Variants in MTUS1 observed in about 807,000 individuals in gnomAD.
MTUS1 encodes microtubule-associated tumor suppressor 1.
In MTUS1, 109 loss-of-function variants were observed where a neutral mutation model predicts 120.8. The ratio of observed to expected loss-of-function variants is 0.90; its 90% confidence interval spans 0.77 to 1.06. The LOEUF (loss-of-function observed/expected upper bound fraction) is 1.06, where lower values mean the gene tolerates loss of function less well. Among genes scored for constraint, MTUS1 ranks in the 50% least tolerant of loss-of-function variants. The pLI, the probability that MTUS1 is intolerant of heterozygous loss-of-function variation, is 0.00. For missense variants in MTUS1, 2,210 were observed against 1,486.3 expected (o/e 1.49, Z -8.01); for synonymous variants, 737 against 550.5 (o/e 1.34, Z -4.74).
At chr8:17,719,275 A>C (rs2904723) in intron 4 of MTUS1, among the ~76,000 whole-genome samples, 1 of 152,092 alleles carries the variant, frequency 6.6e-6, no homozygotes, top group Non-Finnish European at 1.5e-5. Context: ...TACATTATGT[A>C]TATACACACA....
rs1026130218 is a variant in MTUS1, at chr8:17,645,148, T to C, written c.*778A>G. 11 of 152,540 alleles carry C rather than the reference T, an allele frequency of 7.2e-5. No individual in the cohort carries two copies. Among genetic ancestry groups the C allele is most frequent in the African/African-American group, 2.4e-4 (10 of 41,414 alleles). The allele number at this position is 152,540 out of a possible 1,614,324, so 9.4% of individuals were successfully genotyped here. ...AATGAATTACAGGATAGTGTTAGGC[T>C]CACATGGGTAAGTAAAAAATCTACA... On this transcript the variant is annotated 3_prime_UTR_variant, in exon 15 of 15. Coordinates refer to ENST00000693296, the MANE Select transcript of MTUS1 (RefSeq NM_001363059.2).
intron 5 of MTUS1, among the ~76,000 whole-genome samples, chr8:17,715,506 T>A (rs1822144091): frequency 6.6e-6 from 1 of 152,178 alleles, no homozygotes; most frequent in Non-Finnish European, 1.5e-5. Flanking sequence ...TTAGAATAAT[T>A]TAACTCCTGA....
intron 6 of MTUS1, among the ~76,000 whole-genome samples, chr8:17,712,853 C>A (rs1020409019): frequency 2.6e-5 from 4 of 151,870 alleles, no homozygotes; most frequent in Non-Finnish European, 5.9e-5. Context: ...GGCTGCTGAA[C>A]TGGGAAAAGG....
chr8:17,753,407 G>C (rs1008827640), intron 2 of MTUS1, among the ~76,000 whole-genome samples: 3 of 152,122 alleles, frequency 2.0e-5, no homozygotes, highest in Admixed American at 1.3e-4. Context: ...TAACCTGATT[G>C]TATCAGGCAC....
At chr8:17,759,266 T>C (rs2048860330) in intron 1 of MTUS1, among the ~76,000 whole-genome samples, 1 of 149,950 alleles carries the variant, frequency 6.7e-6, no homozygotes, top group Admixed American at 6.7e-5. Context: ...TGTCTTTTTT[T>C]ATTTTTCTTT....
At chr8:17,721,995 G>GAAAA in intron 4 of MTUS1, 1 of 1,208,904 alleles carries the variant, frequency 8.3e-7, no homozygotes, top group Non-Finnish European at 1.1e-6. Flanking sequence ...CGAATGGAGG[G>GAAAA]AAAAAAAAAA....
At chr8:17,730,859 C>A (rs769370650) in intron 3 of MTUS1, among the ~76,000 whole-genome samples, 3 of 152,034 alleles carry the variant, frequency 2.0e-5, no homozygotes, top group African/African-American at 4.8e-5. Context: ...TACAGGATTT[C>A]AGGGGGGAAA....
chr8:17,714,894 C>CTT (rs34479493), intron 5 of MTUS1, among the ~76,000 whole-genome samples: 746 of 55,208 alleles, frequency 0.014, 184 homozygotes, highest in African/African-American at 0.029. Context: ...ACAAATAATG[C>CTT]TTTTTTTTTT....
chr8:17,702,274 T>A (rs558256465), intron 6 of MTUS1, among the ~76,000 whole-genome samples: 7 of 152,340 alleles, frequency 4.6e-5, no homozygotes, highest in African/African-American at 1.7e-4. Flanking sequence ...AAGCAAGAAC[T>A]GAGAGCACAT....
intron 1 of MTUS1, among the ~76,000 whole-genome samples, chr8:17,773,425 G>A (rs1416628960): frequency 6.6e-6 from 1 of 152,106 alleles, no homozygotes; most frequent in African/African-American, 2.4e-5. Flanking sequence ...GGCAAATCTA[G>A]GGTAAGATAC....
intron 11 of MTUS1, 37 bp from the exon 12 acceptor site, chr8:17,653,318 G>C (rs1166046465): frequency 6.7e-7 from 1 of 1,484,720 alleles, no homozygotes; most frequent in Non-Finnish European, 9.1e-7. Context: ...AAGTTAACAA[G>C]AAAACCCCAG....
At chr8:17,756,045 TTTC>T in intron 1 of MTUS1, 84 bp from the exon 2 acceptor site, 1 of 706,370 alleles carries the variant, frequency 1.4e-6, no homozygotes, top group Non-Finnish European at 2.1e-6. Context: ...AAGTGATTAG[TTTC>T]AATCACTTTA....
intron 1 of MTUS1, among the ~76,000 whole-genome samples, chr8:17,773,601 G>A (rs1213367909): frequency 1.3e-5 from 2 of 152,146 alleles, no homozygotes; most frequent in Non-Finnish European, 2.9e-5. Flanking sequence ...ACATGGAGAA[G>A]GGCATCACAT....
At chr8:17,670,783 A>G (rs2130587298) in intron 8 of MTUS1, among the ~76,000 whole-genome samples, 1 of 152,178 alleles carries the variant, frequency 6.6e-6, no homozygotes, top group South Asian at 2.1e-4. Flanking sequence ...AGATAGTGCC[A>G]GTGCACTCCA....
At chr8:17,789,153 C>T (rs372348772) in intron 1 of MTUS1, among the ~76,000 whole-genome samples, 1 of 152,050 alleles carries the variant, frequency 6.6e-6, no homozygotes, top group African/African-American at 2.4e-5. Flanking sequence ...CTGCCTCAGC[C>T]TGACCAGTAG....
intron 1 of MTUS1, among the ~76,000 whole-genome samples, chr8:17,799,791 G>A (rs1355456311): frequency 6.6e-6 from 1 of 152,094 alleles, no homozygotes; most frequent in African/African-American, 2.4e-5. Flanking sequence ...AAGAACAGGT[G>A]AAAAAACGTG....
At chr8:17,654,899 G>A (rs974407332) in intron 9 of MTUS1, 9 of 541,226 alleles carry the variant, frequency 1.7e-5, no homozygotes, top group Admixed American at 3.2e-5. Flanking sequence ...GTCCAGCCTG[G>A]GCAATGTCGC....
At chr8:17,685,603 C>T (rs1815614388) in intron 6 of MTUS1, among the ~76,000 whole-genome samples, 1 of 152,098 alleles carries the variant, frequency 6.6e-6, no homozygotes, top group South Asian at 2.1e-4. Context: ...CAGGAAAAGG[C>T]AAGCTACTAC....
intron 5 of MTUS1, among the ~76,000 whole-genome samples, chr8:17,714,327 CAG>C (rs369004609): frequency 3.3e-5 from 5 of 151,112 alleles, no homozygotes; most frequent in Non-Finnish European, 7.4e-5. Context: ...AACACACACA[CAG>C]AGAGAGAGAG....
Sources: allele counts gnomAD v4.1 joint callset (sites outside exome capture counted in the v4.1 genomes callset), GRCh38; gene constraint gnomAD v4.1.1; transcripts MANE v1.5; gene names NCBI Gene and HGNC (gene_info 2026-07-23, HGNC 2026-07-21).